Variants in ARHGAP17 observed in about 807,000 individuals in gnomAD.
ARHGAP17 encodes the protein rho GTPase-activating protein 17.
A neutral mutation model predicts 99.5 loss-of-function variants in ARHGAP17; 57 were observed. The observed-to-expected ratio is 0.57, with a 90% confidence interval of 0.46 to 0.71. ARHGAP17 has a LOEUF of 0.71. Ranked by LOEUF, ARHGAP17 falls within the 30% of genes least tolerant of loss-of-function variation. ARHGAP17 has a pLI of 0.00. For synonymous variants in ARHGAP17, 417 were observed against 429.6 expected (o/e 0.97, Z 0.36); for missense variants, 1,000 against 1,122.4 (o/e 0.89, Z 1.56).
chr16:24,950,582 C>T (rs2051604172), intron 12 of ARHGAP17, among the ~76,000 whole-genome samples: 1 of 152,120 alleles, frequency 6.6e-6, no homozygotes. Context: ...TGCCAGTAAT[C>T]CCAGCAGTTT....
intron 7 of ARHGAP17, among the ~76,000 whole-genome samples, chr16:24,961,911 TTATA>T (rs67952203): frequency 0.039 from 5,133 of 129,998 alleles, 395 homozygotes; most frequent in African/African-American, 0.15. Context: ...CATAGGAATT[TTATA>T]TATATATATA....
chr16:24,961,389 G>C (rs114812627), intron 7 of ARHGAP17, among the ~76,000 whole-genome samples: 3,462 of 151,556 alleles, frequency 0.023, 111 homozygotes, highest in African/African-American at 0.077. Context: ...GACAGGCTGA[G>C]TGTGGTGGCT....
chr16:24,942,152 G>C lies in ARHGAP17; in HGVS notation c.1334-9C>G. On this transcript the variant is annotated splice_polypyrimidine_tract_variant and intron_variant, in intron 15 of 19. Coordinates refer to ENST00000289968, the MANE Select transcript of ARHGAP17 (RefSeq NM_001006634.3). ...TACATTAAATTCCACCTCTGCAAGA[G>C]GAAAAATAAACAAGTGCATGAGACA... The C allele has an allele frequency of 6.2e-7, 1 of 1,601,628 alleles. No individual in the cohort carries two copies. The highest frequency in any genetic ancestry group is 1.3e-5 in the African/African-American group (1 of 74,410).
chr16:24,931,815 C>G (rs571546093), intron 18 of ARHGAP17, among the ~76,000 whole-genome samples: 2 of 152,222 alleles, frequency 1.3e-5, no homozygotes, highest in East Asian at 3.9e-4. Context: ...AATGTGGAGT[C>G]TAGTTAATGG....
rs577905812 is a variant in ARHGAP17, at chr16:24,989,998, A to C, written c.54-10993T>G. Among the ~76,000 whole-genome samples, 45 of 152,348 alleles carry C rather than the reference A, an allele frequency of 3.0e-4. 1 individual carries two copies. The highest frequency in any genetic ancestry group is 1.4e-3 in the Admixed American group (21 of 15,310). On this transcript the variant is annotated intron_variant, in intron 1 of 19. Coordinates refer to ENST00000289968, the MANE Select transcript of ARHGAP17 (RefSeq NM_001006634.3). The stretch of plus-strand genomic sequence containing the variant: ...AATAACTTAGTGTGTATTTTCAAAA[A>C]TCTAGAAGAGGATTTTGAATGTTCA...
rs144221037 is a variant in ARHGAP17, at chr16:24,931,391, G to A, written c.1908C>T (p.Pro636=). 37 of 1,507,748 alleles carry A rather than the reference G, an allele frequency of 2.5e-5. No individual in the cohort carries two copies. In the African/African-American group the frequency reaches 3.9e-4, roughly 16 times the overall value. The allele number at this position is 1,507,748 out of a possible 1,614,324, so 93.4% of individuals were successfully genotyped here. ...TGCCCGGTTTCGGGGGTGCTGGAGC[G>A]GGTTTTTTAACAGCTGCACAAAAAG... ...PHTLRRAVKK[P]APAPPKPGNP... The change falls in exon 19 of 20, where the codon CCC becomes CCT. Residue 636 remains proline, a synonymous_variant. Coordinates refer to ENST00000289968, the MANE Select transcript of ARHGAP17 (RefSeq NM_001006634.3).
rs922499920 is a variant in ARHGAP17 at position 24,982,986 on chromosome 16, ATATATATATATTTTTTTTTTTTT to A, written c.54-4004_54-3982del. 3.7e-3 allele frequency among the ~76,000 whole-genome samples: 107 copies of A among 28,948 alleles called. 3 individuals are homozygous for A. The South Asian group carries it at 0.098, about 27-fold the overall frequency. The allele number at this position is 28,948 out of a possible 152,430, so 19.0% of individuals were successfully genotyped here. ...AAATCATATATATATATATATATAT[ATATATATATATTTTTTTTTTTTT>A]TTTTTTTTTTTTTGAGACAGGGTCT... On this transcript the variant is annotated intron_variant, in intron 1 of 19. Coordinates refer to ENST00000289968, the MANE Select transcript of ARHGAP17 (RefSeq NM_001006634.3).
intron 19 of ARHGAP17, chr16:24,921,128 G>T (rs2050708710): frequency 6.6e-6 from 1 of 152,264 alleles, no homozygotes; most frequent in Non-Finnish European, 1.5e-5. Context: ...CCTCCCAGGT[G>T]CCAGGCACCA....
intron 15 of ARHGAP17, among the ~76,000 whole-genome samples, chr16:24,942,838 A>G (rs909155804): frequency 7.9e-5 from 12 of 152,180 alleles, no homozygotes; most frequent in African/African-American, 2.9e-4. Context: ...CATCAAGTTC[A>G]TACTGCCTTT....
At chr16:24,957,276 T>C (rs2051837579) in intron 9 of ARHGAP17, 2 of 152,222 alleles carry the variant, frequency 1.3e-5, no homozygotes. Context: ...TTTTTGAGTT[T>C]AAGGTGAGTG....
At chr16:24,993,886 G>T (rs969885827) in intron 1 of ARHGAP17, among the ~76,000 whole-genome samples, 3 of 152,072 alleles carry the variant, frequency 2.0e-5, no homozygotes, top group Admixed American at 6.6e-5. Context: ...ATTCTCACAG[G>T]ACTTTTAAGA....
At chr16:24,997,576 C>T (rs923738575) in intron 1 of ARHGAP17, among the ~76,000 whole-genome samples, 1 of 152,044 alleles carries the variant, frequency 6.6e-6, no homozygotes, top group Non-Finnish European at 1.5e-5. Context: ...TGAAGAGTCC[C>T]CAAAACACGA....
At chr16:24,987,902 C>G (rs2052922566) in intron 1 of ARHGAP17, among the ~76,000 whole-genome samples, 1 of 152,208 alleles carries the variant, frequency 6.6e-6, no homozygotes. Context: ...GACTAATCTA[C>G]CAAGGATCTG....
chr16:25,015,139 T>TGGGG, intron 1 of ARHGAP17, 70 bp downstream of exon 1: 1 of 1,195,766 alleles, frequency 8.4e-7, no homozygotes, highest in Non-Finnish European at 1.0e-6. Flanking sequence ...GGAGGAGCCG[T>TGGGG]CCCGCCCCCG....
chr16:24,988,866 A>G (rs1413348870), intron 1 of ARHGAP17, among the ~76,000 whole-genome samples: 1 of 152,198 alleles, frequency 6.6e-6, no homozygotes, highest in African/African-American at 2.4e-5. Flanking sequence ...AGGCATTCCA[A>G]GTGCCTTATT....
chr16:24,923,910 GGAATGTT>G (rs1166506284), intron 19 of ARHGAP17, among the ~76,000 whole-genome samples: 2 of 151,802 alleles, frequency 1.3e-5, no homozygotes, highest in African/African-American at 4.8e-5. Context: ...AGCTAGAAGT[GGAATGTT>G]ATCACTGAGG....
chr16:24,931,910 G>A (rs974320426), intron 18 of ARHGAP17, among the ~76,000 whole-genome samples: 2 of 152,174 alleles, frequency 1.3e-5, no homozygotes, highest in Admixed American at 6.6e-5. Context: ...GAGTGCAGGA[G>A]TTCAAGGCCA....
chr16:24,964,211 C>T lies in ARHGAP17; in HGVS notation c.559G>A (p.Val187Ile). The T allele has an allele frequency of 1.2e-6, 2 of 1,611,876 alleles. No homozygotes were observed. The highest frequency in any genetic ancestry group is 1.7e-6 in the Non-Finnish European group (2 of 1,178,482). Residue 187 changes from valine (V) to isoleucine (I), a missense_variant, in exon 7 of 20, where the codon GTA becomes ATA. Val to Ile is a conservative substitution (Grantham distance 29, BLOSUM62 3). This residue lies in a region of ARHGAP17 where 472 missense variants were observed against 611.1 expected (regional missense o/e 0.77). Transcript: ENST00000289968. ...KEEMDEAGNK[V>I]EQCKDQLAAD... The stretch of plus-strand genomic sequence containing the variant: ...AATTCTCATACCTTGCACTGTTCTA[C>T]TTTATTTCCAGCTTCATCCATCTCT...
Position 24,919,885 on chromosome 16 carries a change from T to C in ARHGAP17, c.*245A>G. On this transcript the variant is annotated 3_prime_UTR_variant, in exon 20 of 20. Transcript: ENST00000289968. ...ACTCCAGGTACTTCTTTGTTTTGGA[T>C]TTTTTTGGCATGATTTCCTTCCCAT... 3 of 409,502 alleles carry C rather than the reference T, an allele frequency of 7.3e-6. No individual in the cohort carries two copies. Among genetic ancestry groups the C allele is most frequent in the East Asian group, 9.0e-5 (2 of 22,200 alleles). The allele number at this position is 409,502 out of a possible 1,614,324, so 25.4% of individuals were successfully genotyped here. A position where few individuals can be genotyped will look rare whatever the true frequency, so the allele number is the denominator to read the frequency against.
Sources: allele counts gnomAD v4.1 joint callset (sites outside exome capture counted in the v4.1 genomes callset), GRCh38; gene constraint gnomAD v4.1.1; regional missense constraint gnomAD v4.1.1; transcripts MANE v1.5; gene names NCBI Gene and HGNC (gene_info 2026-07-23, HGNC 2026-07-21).